Variants in TBC1D25 observed in about 807,000 individuals in gnomAD.
TBC1D25 encodes TBC1 domain family member 25.
In TBC1D25, 13 loss-of-function variants were observed where a neutral mutation model predicts 38.8. The ratio of observed to expected loss-of-function variants is 0.34; its 90% CI spans 0.22 to 0.53. The LOEUF (loss-of-function observed/expected upper bound fraction) is 0.53. Among genes scored for constraint, TBC1D25 ranks in the 20% least tolerant of loss-of-function variants. TBC1D25 has a pLI of 0.94. For missense variants in TBC1D25, 372 were observed against 600.0 expected, an observed-to-expected ratio of 0.62 and a Z score of 3.97; for synonymous variants, 225 against 255.6, an observed-to-expected ratio of 0.88 and a Z score of 1.14.
Position 48,560,591 on chromosome X carries a change from TTCC to T in TBC1D25, c.1686_1688del (p.Ser564del). 1.7e-6 allele frequency: 2 copies of T among 1,208,889 alleles called. No homozygotes were observed. Among genetic ancestry groups the T allele is most frequent in the Non-Finnish European group, 2.2e-6 (2 of 893,956 alleles). On this transcript the variant is annotated inframe_deletion, in exon 6 of 6. Coordinates refer to ENST00000376771, the MANE Select transcript of TBC1D25 (RefSeq NM_002536.4). The stretch of plus-strand genomic sequence containing the variant: ...CCTTTTCCCACCCTGATTCCCCATC[TTCC>T]TCATCTCCACCATCCACCCAGGAGG...
intron 3 of TBC1D25, 32 bp downstream of exon 3, chrX:48,545,055 C>G: frequency 8.3e-7 from 1 of 1,204,404 alleles, no homozygotes; most frequent in South Asian, 1.8e-5. Context: ...GAGCACTGCT[C>G]TGGAACCCCT....
intron 3 of TBC1D25, among the ~76,000 whole-genome samples, chrX:48,550,353 T>C (rs1172333400): frequency 8.9e-6 from 1 of 112,364 alleles, no homozygotes; most frequent in East Asian, 2.8e-4. Context: ...TTGTCACATA[T>C]TCAGTTTCCA....
Position 48,539,829 on chromosome X carries a change from C to T in TBC1D25, c.32C>T (p.Ser11Phe), listed in dbSNP as rs919421296. The T allele has an allele frequency of 5.3e-5, 51 of 965,420 alleles. No homozygotes were observed. Among genetic ancestry groups the T allele is most frequent in the Non-Finnish European group, 6.6e-5 (51 of 768,420 alleles). The allele number at this position is 965,420 out of a possible 1,213,427, so 79.6% of individuals were successfully genotyped here. The change falls in exon 1 of 6, where the codon TCT becomes TTT. Residue 11 changes from serine to phenylalanine, a missense_variant. Ser to Phe is a radical substitution (Grantham distance 155). This residue lies in a region of TBC1D25 where 60 missense variants were observed against 50.7 expected (regional missense o/e 1.18). Coordinates refer to ENST00000376771, the MANE Select transcript of TBC1D25 (RefSeq NM_002536.4). MATASGASDL[S>F]GSGAPPPGVG... ...ACAGCCTCCGGGGCCTCGGACTTGT[C>T]TGGCTCCGGAGCGCCCCCGCCCGGT...
intron 3 of TBC1D25, among the ~76,000 whole-genome samples, chrX:48,551,422 G>C (rs1216988893): frequency 9.0e-6 from 1 of 110,866 alleles, no homozygotes; most frequent in Non-Finnish European, 1.9e-5. Flanking sequence ...CTGCCTCCCA[G>C]GTTCAAGCGA....
chrX:48,560,823 G>A lies in TBC1D25; in HGVS notation c.1915G>A (p.Asp639Asn). 8.2e-7 allele frequency: 1 copy of A among 1,212,416 alleles called. No individual in the cohort carries two copies. The highest frequency in any genetic ancestry group is 1.1e-6 in the Non-Finnish European group (1 of 895,670). ...HRDHIMRNGL[D>N]YNELAMHFDR... Reference sequence around the variant, plus strand: ...CGACCACATCATGCGCAATGGGCTGGATTATAATGAGCTGGCCATGCACTT... The same window carrying A: ...CGACCACATCATGCGCAATGGGCTGAATTATAATGAGCTGGCCATGCACTT... The change falls in exon 6 of 6, where the codon GAT becomes AAT. Residue 639 changes from aspartate (D) to asparagine (N), a missense_variant. Transcript: ENST00000376771.
intron 3 of TBC1D25, among the ~76,000 whole-genome samples, chrX:48,555,247 T>C (rs782194921): frequency 9.0e-6 from 1 of 111,001 alleles, no homozygotes; most frequent in East Asian, 2.8e-4. Flanking sequence ...GATCTTGGGC[T>C]CCTCTCTTTG....
intron 3 of TBC1D25, among the ~76,000 whole-genome samples, chrX:48,555,561 C>T (rs1223059433): frequency 1.8e-5 from 2 of 111,724 alleles, no homozygotes; most frequent in African/African-American, 3.3e-5. Context: ...GGGTATTTCT[C>T]GTTAGGTGGA....
At chrX:48,542,303 G>A (rs2061846496) in intron 2 of TBC1D25, among the ~76,000 whole-genome samples, 1 of 107,736 alleles carries the variant, frequency 9.3e-6, no homozygotes, top group African/African-American at 3.4e-5. Flanking sequence ...CAAGTAGCTG[G>A]GATTACAGGC....
chrX:48,559,370 G>T, intron 5 of TBC1D25, 24 bp downstream of exon 5: 1 of 1,194,219 alleles, frequency 8.4e-7, no homozygotes, highest in East Asian at 3.0e-5. Flanking sequence ...GTCATCTGTT[G>T]GGTCCATCAC....
chrX:48,549,752 G>A (rs1345212434), intron 3 of TBC1D25, among the ~76,000 whole-genome samples: 3 of 111,993 alleles, frequency 2.7e-5, no homozygotes, highest in African/African-American at 9.7e-5. Context: ...CCACCTGCCT[G>A]GGCCTCCCAA....
Position 48,552,188 on chromosome X carries a change from CT to C in TBC1D25, c.389-6699del, listed in dbSNP as rs1244500359. On this transcript the variant is annotated intron_variant, in intron 3 of 5. Transcript: ENST00000376771. ...TTTTTAAGGCAACTGACAGTGAAAT[CT>C]TTTTTTTTTCTTTTTGACACGTAGT... is the stretch of plus-strand genomic sequence containing the variant. Among the ~76,000 whole-genome samples, 8 of 107,277 alleles carry C rather than the reference CT, an allele frequency of 7.5e-5. No homozygotes were observed. In the Admixed American group the frequency reaches 8.0e-4, roughly 11 times the overall value. 93.2% of individuals were successfully genotyped at this position (107,277 alleles called of 115,157 possible). A position where few individuals can be genotyped will look rare whatever the true frequency, so the allele number is the denominator to read the frequency against.
At position 48,539,840 on chromosome X, in the gene TBC1D25, G is replaced by A; in HGVS notation, c.43G>A (p.Ala15Thr). 1 of 968,045 alleles carries A rather than the reference G, an allele frequency of 1.0e-6. No individual in the cohort carries two copies. Among genetic ancestry groups the A allele is most frequent in the Non-Finnish European group, 1.3e-6 (1 of 769,039 alleles). 79.8% of individuals were successfully genotyped at this position (968,045 alleles called of 1,213,427 possible). A position where few individuals can be genotyped will look rare whatever the true frequency, so the allele number is the denominator to read the frequency against. ...GGCCTCGGACTTGTCTGGCTCCGGA[G>A]CGCCCCCGCCCGGTGTGGGAGCTCA... ...SGASDLSGSG[A>T]PPPGVGAQAA... is the part of the protein sequence containing the mutation. The change falls in exon 1 of 6, where the codon GCG (alanine) becomes ACG (threonine). Residue 15 changes from alanine (A) to threonine (T), a missense_variant. Ala to Thr is a moderately conservative substitution (Grantham distance 58). Transcript: ENST00000376771.
Position 48,539,832 on chromosome X carries a change from G to A in TBC1D25, c.35G>A (p.Gly12Asp). 1.0e-6 allele frequency: 1 copy of A among 967,402 alleles called. No homozygotes were observed. The highest frequency in any genetic ancestry group is 1.3e-6 in the Non-Finnish European group (1 of 768,937). The allele number at this position is 967,402 out of a possible 1,213,427, so 79.7% of individuals were successfully genotyped here. Reference protein sequence around the residue: ...ATASGASDLSGSGAPPPGVGA... With the variant: ...ATASGASDLSDSGAPPPGVGA... Reference sequence around the variant, plus strand: ...GCCTCCGGGGCCTCGGACTTGTCTGGCTCCGGAGCGCCCCCGCCCGGTGTG... The same window carrying A: ...GCCTCCGGGGCCTCGGACTTGTCTGACTCCGGAGCGCCCCCGCCCGGTGTG... Residue 12 changes from glycine to aspartate, a missense_variant, in exon 1 of 6, where the codon GGC becomes GAC. Physicochemically the swap from Gly to Asp is moderately conservative, Grantham distance 94 (BLOSUM62 -1). Transcript: ENST00000376771.
chrX:48,559,998 G>A lies in TBC1D25; in HGVS notation c.1090G>A (p.Ala364Thr), dbSNP rs782124960. ...TTGTGGCATCATGAAACGCCTGGCCGCCAACTTCCACCCTGACGGCCGCGC... is the reference window on the plus strand; with the variant it reads ...TTGTGGCATCATGAAACGCCTGGCCACCAACTTCCACCCTGACGGCCGCGC... ...CFCGIMKRLA[A>T]NFHPDGRAMA... is the part of the protein sequence containing the mutation. The change falls in exon 6 of 6, where the codon GCC (alanine) becomes ACC (threonine). Residue 364 changes from alanine (A) to threonine (T), a missense_variant. By Grantham distance (58) the Ala-to-Thr change is moderately conservative (BLOSUM62 0). This residue lies in a region of TBC1D25 where 312 missense variants were observed against 549.3 expected (regional missense o/e 0.57). Transcript: ENST00000376771. 3.3e-6 allele frequency: 4 copies of A among 1,210,659 alleles called. No individual in the cohort carries two copies. The highest frequency in any genetic ancestry group is 1.7e-5 in the African/African-American group (1 of 57,889).
Position 48,544,921 on chromosome X carries a change from G to C in TBC1D25, c.286G>C (p.Val96Leu). 1 of 1,212,037 alleles carries C rather than the reference G, an allele frequency of 8.3e-7. No homozygotes were observed. Among genetic ancestry groups the C allele is most frequent in the South Asian group, 1.8e-5 (1 of 57,021 alleles). The change falls in exon 3 of 6, where the codon GTT becomes CTT. Residue 96 changes from valine (V) to leucine (L), a missense_variant. Val to Leu is a conservative substitution (Grantham distance 32). Around this residue, in one of 2 missense-constraint regions of TBC1D25, gnomAD observed 312 missense variants for 549.3 expected, o/e 0.57. Transcript: ENST00000376771. Reference sequence around the variant, plus strand: ...GGGCCGGGACCGGCTAGGACAGGAAGTTTACCTCTCACTTCTATCTGACTG... The same window carrying C: ...GGGCCGGGACCGGCTAGGACAGGAACTTTACCTCTCACTTCTATCTGACTG... ...YLGRDRLGQE[V>L]YLSLLSDWDL...
intron 1 of TBC1D25, 21 bp downstream of exon 1, chrX:48,539,941 GCCCAGCCGCCGAGGCAT>G: frequency 1.1e-6 from 1 of 947,704 alleles, no homozygotes; most frequent in African/African-American, 2.0e-5. Context: ...CGGTGAGTCG[GCCCAGCCGCCGAGGCAT>G]CCCAGGGGAG....
chrX:48,552,428 C>G (rs2061942720), intron 3 of TBC1D25, among the ~76,000 whole-genome samples: 1 of 102,582 alleles, frequency 9.7e-6, no homozygotes, highest in Admixed American at 1.1e-4. Context: ...AATCTTGGCT[C>G]GCTGCAACCT....
chrX:48,544,152 T>C (rs1459257695), intron 2 of TBC1D25, among the ~76,000 whole-genome samples: 1 of 111,868 alleles, frequency 8.9e-6, no homozygotes, highest in Non-Finnish European at 1.9e-5. Context: ...ACAAACTTCT[T>C]TACATAGTTG....
At chrX:48,559,491 G>A (rs910583915) in intron 5 of TBC1D25, 123 bp from the exon 6 acceptor site, 98 of 1,081,484 alleles carry the variant, frequency 9.1e-5, no homozygotes, top group Admixed American at 2.0e-4. Flanking sequence ...GCGAGCAGTC[G>A]GAGGCCTAGC....
Sources: allele counts gnomAD v4.1 joint callset (sites outside exome capture counted in the v4.1 genomes callset), GRCh38; gene constraint gnomAD v4.1.1; regional missense constraint gnomAD v4.1.1; transcripts MANE v1.5; gene names NCBI Gene and HGNC (gene_info 2026-07-23, HGNC 2026-07-21).